Variants in HOMEZ observed in about 807,000 individuals in gnomAD.
HOMEZ encodes the protein homeobox and leucine zipper protein Homez.
A neutral mutation model predicts 50.1 loss-of-function variants in HOMEZ; 20 were observed. That is an observed-to-expected ratio of 0.40 (90% CI 0.28 to 0.58). The LOEUF is 0.58. Ranked by LOEUF, HOMEZ falls within the 20% of genes least tolerant of loss-of-function variation. HOMEZ has a pLI of 0.46. For missense variants in HOMEZ, 579 were observed against 680.5 expected, an observed-to-expected ratio of 0.85 and a Z score of 1.66; for synonymous variants, 239 against 254.7, an observed-to-expected ratio of 0.94 and a Z score of 0.59.
chr14:23,280,773 AT>A (rs1178193670), intron 1 of HOMEZ, among the ~76,000 whole-genome samples: 16 of 100,288 alleles, frequency 1.6e-4, no homozygotes, highest in Admixed American at 4.6e-4. Context: ...ATTTTATTTT[AT>A]TTTATTTTAT....
At position 23,275,624 on chromosome 14, in the gene HOMEZ, TCC is replaced by T; in HGVS notation, c.1602_1603del (p.Glu535GlyfsTer4). Reference sequence around the variant, plus strand: ...ATCATCATCATCATCATCTTCCTCCTCCTCCTCCTCCTCTTCCTCATCATCTT... The same window carrying T: ...ATCATCATCATCATCATCTTCCTCCTTCCTCCTCCTCTTCCTCATCATCTT... On this transcript the variant is annotated frameshift_variant, in exon 2 of 2. Transcript: ENST00000357460. LOFTEE classifies it high-confidence loss of function. The T allele has an allele frequency of 6.5e-7, 1 of 1,549,862 alleles. No homozygotes were observed. Among genetic ancestry groups the T allele is most frequent in the South Asian group, 1.2e-5 (1 of 84,122 alleles).
rs1594959306 is a variant in HOMEZ, at chr14:23,272,618, G to A, written c.*2957C>T. ...TTCATCCTTATTATTATCACCATAA[G>A]CTACTGAAATGTTCCAGAGATTGTC... On this transcript the variant is annotated 3_prime_UTR_variant, in exon 2 of 2. Coordinates refer to ENST00000357460, the MANE Select transcript of HOMEZ (RefSeq NM_020834.3). 2 of 585,936 alleles carry A rather than the reference G, an allele frequency of 3.4e-6. No individual in the cohort carries two copies. Among genetic ancestry groups the A allele is most frequent in the East Asian group, 3.0e-5 (1 of 33,730 alleles). The allele number at this position is 585,936 out of a possible 1,614,324, so 36.3% of individuals were successfully genotyped here.
At chr14:23,280,709 A>ATTTTTTTTTATTT in intron 1 of HOMEZ, among the ~76,000 whole-genome samples, 1 of 49,808 alleles carries the variant, frequency 2.0e-5, no homozygotes, top group South Asian at 6.0e-4. Context: ...TTATATTTTT[A>ATTTTTTTTTATTT]TTTTTATTTT....
In HOMEZ at chr14:23,272,832, C is replaced by T; in HGVS notation, c.*2743G>A. On this transcript the variant is annotated 3_prime_UTR_variant, in exon 2 of 2. Transcript: ENST00000357460. ...TTGTCCTCTGCTGCAGACTCTCTAC[C>T]AACAACGGAGGCATATGGGATTACC... 1 of 1,548,554 alleles carries T rather than the reference C, an allele frequency of 6.5e-7. No homozygotes were observed. The highest frequency in any genetic ancestry group is 8.7e-7 in the Non-Finnish European group (1 of 1,145,552).
intron 1 of HOMEZ, among the ~76,000 whole-genome samples, chr14:23,283,979 T>A (rs2140509871): frequency 6.6e-6 from 1 of 152,308 alleles, no homozygotes; most frequent in Non-Finnish European, 1.5e-5. Context: ...TCTGAAGCAC[T>A]CCTGAAATGT....
Position 23,276,324 on chromosome 14 carries a change from C to T in HOMEZ, c.904G>A (p.Ala302Thr), listed in dbSNP as rs10131813. Residue 302 changes from alanine (A) to threonine (T), a missense_variant, in exon 2 of 2, where the codon GCC becomes ACC. By Grantham distance (58) the Ala-to-Thr change is moderately conservative. Transcript: ENST00000357460. The surrounding 1 kb of genome is among the most constrained non-coding windows in gnomAD (Gnocchi z 4.1). ...FQVLANGATAASKPLQPLGCV... is the reference protein window; with the variant it reads ...FQVLANGATATSKPLQPLGCV... ...CCTAGTGGCTGGAGGGGTTTAGAGG[C>T]GGCAGTAGCTCCATTAGCCAGTACC... is the stretch of plus-strand genomic sequence containing the variant. 0.4 allele frequency: 652,762 copies of T among 1,613,070 alleles called. 133,528 individuals are homozygous for T. The highest frequency in any genetic ancestry group is 0.47 in the Middle Eastern group (2,820 of 6,062).
chr14:23,280,745 T>TTTATTTTATTTTATTTTATTTTATTTTA (rs1886520220), intron 1 of HOMEZ, among the ~76,000 whole-genome samples: 40 of 78,688 alleles, frequency 5.1e-4, no homozygotes, highest in Middle Eastern at 6.2e-3. Flanking sequence ...ATTTTATTAT[T>TTTATTTTATTTTATTTTATTTTATTTTA]TTATTTTATT....
chr14:23,275,740 C>T lies in HOMEZ; in HGVS notation c.1488G>A (p.Leu496=). 2 of 1,613,470 alleles carry T rather than the reference C, an allele frequency of 1.2e-6. No individual in the cohort carries two copies. The highest frequency in any genetic ancestry group is 1.1e-5 in the South Asian group (1 of 90,964). The change falls in exon 2 of 2, where the codon CTG becomes CTA. Residue 496 remains leucine (L), a synonymous_variant. Coordinates refer to ENST00000357460, the MANE Select transcript of HOMEZ (RefSeq NM_020834.3). ...GAGGTAATCGAGAGTCAAACCAATCCAGCACCTGCTGGGTGCTAAGCCTTG... is the reference window on the plus strand; with the variant it reads ...GAGGTAATCGAGAGTCAAACCAATCTAGCACCTGCTGGGTGCTAAGCCTTG... ...QASRLSTQQV[L]DWFDSRLPQP... is the part of the protein sequence containing the mutation.
chr14:23,280,710 T>TTTTTATTTTA (rs1310956438), intron 1 of HOMEZ, among the ~76,000 whole-genome samples: 1,776 of 61,872 alleles, frequency 0.029, 332 homozygotes, highest in East Asian at 0.19. Flanking sequence ...TATATTTTTA[T>TTTTTATTTTA]TTTTATTTTA....
rs1886286822 is a variant in HOMEZ at position 23,274,392 on chromosome 14, T to C, written c.*1183A>G. 4 of 152,628 alleles carry C rather than the reference T, an allele frequency of 2.6e-5. No individual in the cohort carries two copies. Among genetic ancestry groups the C allele is most frequent in the South Asian group, 4.1e-4 (2 of 4,836 alleles). The allele number at this position is 152,628 out of a possible 1,614,324, so 9.5% of individuals were successfully genotyped here. On this transcript the variant is annotated 3_prime_UTR_variant, in exon 2 of 2. Transcript: ENST00000357460. ...TCACTGCCCTTCAACAAGGAGAAAC[T>C]ATTCCCTCTCTTTCACCCCTTTGTA...
intron 1 of HOMEZ, 82 bp downstream of exon 1, chr14:23,285,831 A>AC (rs1886649646): frequency 1.3e-6 from 1 of 788,664 alleles, no homozygotes; most frequent in African/African-American, 1.8e-5. Flanking sequence ...TTATCCCCCC[A>AC]CCAGCGCGGG....
Position 23,275,901 on chromosome 14 carries a change from G to A in HOMEZ, c.1327C>T (p.Arg443Cys), listed in dbSNP as rs776672398. 6.9e-6 allele frequency: 11 copies of A among 1,603,584 alleles called. No individual in the cohort carries two copies. The highest frequency in any genetic ancestry group is 4.0e-5 in the African/African-American group (3 of 74,754). ...PAIPTPPPSTRSLNERAETPP... is the reference protein window; with the variant it reads ...PAIPTPPPSTCSLNERAETPP... ...GTCTCAGCCCTTTCGTTCAAGGAGC[G>A]GGTTGATGGTGGTGGTGTAGGAATT... The change falls in exon 2 of 2, where the codon CGC (arginine) becomes TGC (cysteine). Residue 443 changes from arginine to cysteine, a missense_variant. Coordinates refer to ENST00000357460, the MANE Select transcript of HOMEZ (RefSeq NM_020834.3).
At position 23,276,507 on chromosome 14, in the gene HOMEZ, G is replaced by T; in HGVS notation, c.721C>A (p.His241Asn). The T allele has an allele frequency of 6.2e-7, 1 of 1,614,042 alleles. No homozygotes were observed. The highest frequency in any genetic ancestry group is 1.3e-5 in the African/African-American group (1 of 75,070). Reference protein sequence around the residue: ...EQAGRGPNQSHGIGTASWNHS... With the variant: ...EQAGRGPNQSNGIGTASWNHS... ...TTCCAGGAAGCAGTACCTATGCCAT[G>T]TGACTGGTTGGGACCCCTGCCTGCC... is the stretch of plus-strand genomic sequence containing the variant. Residue 241 changes from histidine to asparagine, a missense_variant, in exon 2 of 2, where the codon CAT becomes AAT. By Grantham distance (68) the His-to-Asn change is moderately conservative. Transcript: ENST00000357460. This position sits in a 1 kb window ranked among gnomAD's most constrained non-coding sequence, Gnocchi z 4.1.
intron 1 of HOMEZ, among the ~76,000 whole-genome samples, chr14:23,278,830 C>A (rs565019174): frequency 6.6e-6 from 1 of 151,876 alleles, no homozygotes; most frequent in South Asian, 2.1e-4. Context: ...CGTGTGCCAC[C>A]ATGCCCTGCT....
In HOMEZ at chr14:23,273,672, C is replaced by A. The variant is rs944892256; in HGVS notation, c.*1903G>T. The stretch of plus-strand genomic sequence containing the variant: ...GGCATCTGCCAGAAATAAATTAGGT[C>A]TTGGGAATGATCTTGTATCTGAACT... On this transcript the variant is annotated 3_prime_UTR_variant, in exon 2 of 2. Coordinates refer to ENST00000357460, the MANE Select transcript of HOMEZ (RefSeq NM_020834.3). 6.6e-6 allele frequency: 1 copy of A among 152,222 alleles called. No individual in the cohort carries two copies. The highest frequency in any genetic ancestry group is 1.5e-5 in the Non-Finnish European group (1 of 68,040). The allele number at this position is 152,222 out of a possible 1,614,324, so 9.4% of individuals were successfully genotyped here.
rs1467834576 is a variant in HOMEZ, at chr14:23,275,813, G to C, written c.1415C>G (p.Ala472Gly). The C allele has an allele frequency of 2.5e-6, 4 of 1,608,404 alleles. No individual in the cohort carries two copies. The highest frequency in any genetic ancestry group is 3.4e-6 in the Non-Finnish European group (4 of 1,176,856). The change falls in exon 2 of 2, where the codon GCC (alanine) becomes GGC (glycine). Residue 472 changes from alanine (A) to glycine (G), a missense_variant. Transcript: ENST00000357460. ...DIQPLERYWA[A>G]HQQLRETDIP... ...ATCAGTTTCCCGTAGCTGTTGGTGG[G>C]CTGCCCAGTACCTCTCCAAGGGTTG...
At position 23,275,406 on chromosome 14, in the gene HOMEZ, A is replaced by G; in HGVS notation, c.*169T>C. 1.3e-6 allele frequency: 1 copy of G among 769,848 alleles called. No individual in the cohort carries two copies. The highest frequency in any genetic ancestry group is 2.0e-6 in the Non-Finnish European group (1 of 491,828). 47.7% of individuals were successfully genotyped at this position (769,848 alleles called of 1,614,324 possible). A position where few individuals can be genotyped will look rare whatever the true frequency, so the allele number is the denominator to read the frequency against. On this transcript the variant is annotated 3_prime_UTR_variant, in exon 2 of 2. Coordinates refer to ENST00000357460, the MANE Select transcript of HOMEZ (RefSeq NM_020834.3). ...CAGCCTTACTTAGTGCCCTATGGTC[A>G]TTCTCCCTGGTCCACCCTCACTATA...
chr14:23,277,075 T>C lies in HOMEZ; in HGVS notation c.153A>G (p.Leu51=), dbSNP rs1797534101. The C allele has an allele frequency of 6.2e-7, 1 of 1,613,912 alleles. No homozygotes were observed. The highest frequency in any genetic ancestry group is 8.5e-7 in the Non-Finnish European group (1 of 1,179,896). ...LICLPPISEE[L]QLVWTQAAQT... ...GGGCTGCTTGCGTCCACACAAGCTG[T>C]AGCTCCTCAGAGATTGGAGGGAGGC... The change falls in exon 2 of 2, where the codon CTA becomes CTG. Residue 51 remains leucine, a synonymous_variant. Transcript: ENST00000357460.
At position 23,276,505 on chromosome 14, in the gene HOMEZ, A is replaced by G. The variant is rs771316773; in HGVS notation, c.723T>C (p.His241=). The G allele has an allele frequency of 9.3e-6, 15 of 1,613,908 alleles. No homozygotes were observed. Among genetic ancestry groups the G allele is most frequent in the Non-Finnish European group, 1.3e-5 (15 of 1,179,894 alleles). Residue 241 remains histidine (H), a synonymous_variant, in exon 2 of 2, where the codon CAT becomes CAC. Transcript: ENST00000357460. This position sits in a 1 kb window ranked among gnomAD's most constrained non-coding sequence, Gnocchi z 4.1. ...GGTTCCAGGAAGCAGTACCTATGCC[A>G]TGTGACTGGTTGGGACCCCTGCCTG... The part of the protein sequence containing the change: ...EQAGRGPNQS[H]GIGTASWNHS...
Sources: allele counts gnomAD v4.1 joint callset (sites outside exome capture counted in the v4.1 genomes callset), GRCh38; gene constraint gnomAD v4.1.1; non-coding constraint Gnocchi (gnomAD v3.1); transcripts MANE v1.5; gene names NCBI Gene and HGNC (gene_info 2026-07-23, HGNC 2026-07-21).